PDCD11: variants seen among roughly 807,000 people sequenced by gnomAD.
PDCD11 encodes the protein programmed cell death 11.
A neutral mutation model predicts 198.9 loss-of-function variants in PDCD11; 97 were observed. That is an observed-to-expected ratio of 0.49 (90% CI 0.41 to 0.58). The LOEUF is 0.58. PDCD11 is among the 20% of genes least tolerant of loss of function. The pLI is 0.00. For synonymous variants in PDCD11, 893 were observed against 918.0 expected (o/e 0.97, Z 0.49); for missense variants, 2,102 against 2,312.7 (o/e 0.91, Z 1.87).
intron 34 of PDCD11, 26 bp downstream of exon 34, chr10:103,444,094 G>C (rs780703176): frequency 6.2e-7 from 1 of 1,601,544 alleles, no homozygotes; most frequent in Non-Finnish European, 8.5e-7. Flanking sequence ...CAGCTCCTGA[G>C]CCCATGAGCA....
chr10:103,413,219 G>C lies in PDCD11; in HGVS notation c.1082G>C (p.Cys361Ser), dbSNP rs1236090439. 6.2e-7 allele frequency: 1 copy of C among 1,614,116 alleles called. No individual in the cohort carries two copies. The highest frequency in any genetic ancestry group is 2.2e-5 in the East Asian group (1 of 44,886). ...GGACGCCCACTCACCCGACTCTCTT[G>C]CCAGAACCTTGGAGCAGTGCTGGAT... ...QPGRPLTRLS[C>S]QNLGAVLDDV... is the part of the protein sequence containing the mutation. The change falls in exon 9 of 36, where the codon TGC (cysteine) becomes TCC (serine). Residue 361 changes from cysteine (C) to serine (S), a missense_variant. Cys to Ser is a moderately radical substitution (Grantham distance 112, BLOSUM62 -1). Transcript: ENST00000369797.
chr10:103,445,268 G>A, intron 35 of PDCD11, 110 bp from the exon 36 acceptor site: 1 of 947,468 alleles, frequency 1.1e-6, no homozygotes. Flanking sequence ...TGGGAGTCCT[G>A]GATGGGAGAG....
At chr10:103,397,789 A>G (rs58988638) in intron 1 of PDCD11, among the ~76,000 whole-genome samples, 1 of 152,340 alleles carries the variant, frequency 6.6e-6, no homozygotes, top group African/African-American at 2.4e-5. Flanking sequence ...GTCTAGTTGA[A>G]TAATTCCTCA....
chr10:103,403,063 C>CT, intron 3 of PDCD11, 55 bp from the exon 4 acceptor site: 17 of 1,525,876 alleles, frequency 1.1e-5, no homozygotes, highest in Non-Finnish European at 1.5e-5. Context: ...ACCTTCCAAC[C>CT]TTCCCTATTG....
intron 4 of PDCD11, 37 bp from the exon 5 acceptor site, chr10:103,404,985 G>A: frequency 6.3e-7 from 1 of 1,598,574 alleles, no homozygotes; most frequent in South Asian, 1.1e-5. Flanking sequence ...TTCAGGAGAA[G>A]GGTGTATATC....
intron 17 of PDCD11, 111 bp from the exon 18 acceptor site, chr10:103,422,877 A>G: frequency 9.8e-7 from 1 of 1,020,932 alleles, no homozygotes; most frequent in Middle Eastern, 2.4e-4. Context: ...TTACCTTGTC[A>G]GTGGTTCCAG....
At chr10:103,444,737 C>G (rs2032528366) in intron 35 of PDCD11, 55 bp downstream of exon 35, 5 of 1,527,034 alleles carry the variant, frequency 3.3e-6, no homozygotes, top group African/African-American at 1.4e-5. Context: ...GTGGTAGGCA[C>G]TGGTCCCACA....
intron 14 of PDCD11, 140 bp downstream of exon 14, chr10:103,418,072 C>A: frequency 1.2e-6 from 1 of 864,702 alleles, no homozygotes; most frequent in Non-Finnish European, 1.8e-6. Flanking sequence ...GGGGTTCATA[C>A]GCATTCCTTC....
chr10:103,438,803 CT>C lies in PDCD11; in HGVS notation c.4023del (p.Arg1342AlafsTer50), dbSNP rs1222387373. On this transcript the variant is annotated frameshift_variant, in exon 27 of 36. Transcript: ENST00000369797. LOFTEE classifies it high-confidence loss of function. ...GGTCCATCCAGCCACACGGTGTGTT[CT>C]TTCGGTGAGTGAGGGGGGCTCTGCA... The part of the protein sequence containing the change: ...VGSIQPHGVF[F>X]RLGPSVVGLA... The C allele has an allele frequency of 7.4e-6, 12 of 1,613,860 alleles. No homozygotes were observed. The highest frequency in any genetic ancestry group is 1.7e-5 in the Admixed American group (1 of 60,000).
intron 30 of PDCD11, 111 bp from the exon 31 acceptor site, chr10:103,441,715 G>T: frequency 1.1e-6 from 1 of 946,976 alleles, no homozygotes; most frequent in East Asian, 2.4e-5. Flanking sequence ...GAGAGGAGAG[G>T]AGGGGTCTCT....
chr10:103,443,060 A>C, intron 32 of PDCD11, 105 bp from the exon 33 acceptor site: 5 of 988,734 alleles, frequency 5.1e-6, no homozygotes, highest in Non-Finnish European at 7.4e-6. Flanking sequence ...ATCTGAGGAC[A>C]CAGATAGAGG....
At chr10:103,429,614 T>A (rs374604171) in intron 21 of PDCD11, among the ~76,000 whole-genome samples, 1 of 152,156 alleles carries the variant, frequency 6.6e-6, no homozygotes, top group Non-Finnish European at 1.5e-5. Context: ...AGTAATTTTT[T>A]ACAGTAAAAA....
At position 103,438,772 on chromosome 10, in the gene PDCD11, A is replaced by G. The variant is rs1271663134; in HGVS notation, c.3989A>G (p.Tyr1330Cys). 1.9e-6 allele frequency: 3 copies of G among 1,614,170 alleles called. No individual in the cohort carries two copies. Among genetic ancestry groups the G allele is most frequent in the Admixed American group, 1.7e-5 (1 of 60,018 alleles). The change falls in exon 27 of 36, where the codon TAT becomes TGT. Residue 1330 changes from tyrosine (Y) to cysteine (C), a missense_variant. Physicochemically the swap from Tyr to Cys is radical, Grantham distance 194. Coordinates refer to ENST00000369797, the MANE Select transcript of PDCD11 (RefSeq NM_014976.2). Reference protein sequence around the residue: ...DIKEGQLLRGYVGSIQPHGVF... With the variant: ...DIKEGQLLRGCVGSIQPHGVF... ...AAGGAAGGGCAGCTTCTGAGGGGCTATGTAGGGTCCATCCAGCCACACGGT... is the reference window on the plus strand; with the variant it reads ...AAGGAAGGGCAGCTTCTGAGGGGCTGTGTAGGGTCCATCCAGCCACACGGT...
At chr10:103,428,842 G>A (rs1240628000) in intron 21 of PDCD11, among the ~76,000 whole-genome samples, 2 of 152,168 alleles carry the variant, frequency 1.3e-5, no homozygotes, top group Non-Finnish European at 2.9e-5. Flanking sequence ...TGTTAAGGAG[G>A]TGGGAGATGT....
At chr10:103,411,340 T>C (rs559962974) in intron 8 of PDCD11, among the ~76,000 whole-genome samples, 1 of 152,332 alleles carries the variant, frequency 6.6e-6, no homozygotes, top group Admixed American at 6.5e-5. Flanking sequence ...TTTTTTTAAA[T>C]AGTAATGTGT....
At chr10:103,429,527 G>T (rs1344251073) in intron 21 of PDCD11, among the ~76,000 whole-genome samples, 1 of 151,348 alleles carries the variant, frequency 6.6e-6, no homozygotes, top group Non-Finnish European at 1.5e-5. Flanking sequence ...TCTCTCCCTG[G>T]CTTACAGATG....
chr10:103,405,217 A>C lies in PDCD11; in HGVS notation c.564+34A>C, dbSNP rs746917380. 4 of 1,607,824 alleles carry C rather than the reference A, an allele frequency of 2.5e-6. No homozygotes were observed. In the East Asian group the frequency reaches 8.9e-5, roughly 36 times the overall value. Reference sequence around the variant, plus strand: ...CTAGGGTCGGGGAGGAAGAGTGGCAATGTGCCTTCTCTCTGCCTCTGAGGG... The same window carrying C: ...CTAGGGTCGGGGAGGAAGAGTGGCACTGTGCCTTCTCTCTGCCTCTGAGGG... On this transcript the variant is annotated intron_variant, in intron 5 of 35. Coordinates refer to ENST00000369797, the MANE Select transcript of PDCD11 (RefSeq NM_014976.2).
In PDCD11 at chr10:103,443,147, T is replaced by G; in HGVS notation, c.4956-18T>G. The G allele has an allele frequency of 6.4e-7, 1 of 1,559,196 alleles. No individual in the cohort carries two copies. Among genetic ancestry groups the G allele is most frequent in the Non-Finnish European group, 8.7e-7 (1 of 1,146,918 alleles). On this transcript the variant is annotated intron_variant, in intron 32 of 35. Transcript: ENST00000369797. ...CTGGTTTCATGTGGCGCTCATGTGC[T>G]GACTGCTCTCCCTCCAGAGAGGAGC...
At chr10:103,434,494 T>G in intron 24 of PDCD11, 144 bp downstream of exon 24, 1 of 633,334 alleles carries the variant, frequency 1.6e-6, no homozygotes, top group Non-Finnish European at 2.8e-6. Context: ...TGGAACAGTT[T>G]TTCTCTTGGG....
Sources: gnomAD v4.1 joint callset for allele counts (sites outside exome capture counted in the v4.1 genomes callset) on GRCh38, gnomAD v4.1.1 for gene constraint, MANE v1.5 for transcripts, NCBI Gene and HGNC (gene_info 2026-07-23, HGNC 2026-07-21) for gene names.